The following TARS1 variants were observed in gnomAD, a reference collection of about 807,000 sequenced individuals.
The protein encoded by TARS1 is threonyl-tRNA synthetase 1, also known as threonine--tRNA ligase 1, cytoplasmic.
In TARS1, 57 loss-of-function variants were observed where a neutral mutation model predicts 97.7. That is an observed-to-expected ratio of 0.58 (90% confidence interval 0.47 to 0.73). The LOEUF is 0.73. Ranked by LOEUF, TARS1 falls within the 30% of genes least tolerant of loss-of-function variation. The pLI, the probability that TARS1 is intolerant of heterozygous loss-of-function variation, is 0.00. For synonymous variants in TARS1, 312 were observed against 293.7 expected (o/e 1.06, Z -0.64); for missense variants, 806 against 888.3 (o/e 0.91, Z 1.18).
chr5:33,451,732 TATGGCCC>T (rs201403090), intron 3 of TARS1, among the ~76,000 whole-genome samples: 1,911 of 152,328 alleles, frequency 0.013, 47 homozygotes, highest in African/African-American at 0.044. Flanking sequence ...AATGATCCAG[TATGGCCC>T]ATGTGTAATC....
intron 10 of TARS1, among the ~76,000 whole-genome samples, chr5:33,459,264 T>C (rs558102912): frequency 1.3e-5 from 2 of 152,350 alleles, no homozygotes; most frequent in Non-Finnish European, 2.9e-5. Context: ...TCCATGTTAC[T>C]TATATCTAGC....
intron 14 of TARS1, 31 bp from the exon 15 acceptor site, chr5:33,461,875 A>G (rs1742309215): frequency 6.2e-7 from 1 of 1,602,174 alleles, no homozygotes; most frequent in Non-Finnish European, 8.5e-7. Context: ...TATCACTGGC[A>G]TTTTATAATA....
chr5:33,459,469 G>T (rs1742188815), intron 10 of TARS1, among the ~76,000 whole-genome samples: 1 of 152,134 alleles, frequency 6.6e-6, no homozygotes, highest in South Asian at 2.1e-4. Context: ...ATGTATAATT[G>T]TCCCTTATTA....
chr5:33,451,739 C>G (rs1352095019), intron 3 of TARS1, among the ~76,000 whole-genome samples: 2 of 148,436 alleles, frequency 1.3e-5, no homozygotes, highest in Non-Finnish European at 1.5e-5. Flanking sequence ...CAGTATGGCC[C>G]ATGTGTAATC....
chr5:33,455,496 A>T, intron 5 of TARS1, 91 bp from the exon 6 acceptor site: 1 of 769,080 alleles, frequency 1.3e-6, no homozygotes, highest in Non-Finnish European at 2.1e-6. Flanking sequence ...AAACCCTTGA[A>T]GTATTCCAAA....
In TARS1 at chr5:33,463,410, A is replaced by G. The variant is rs182341440; in HGVS notation, c.1836-343A>G. Among the ~76,000 whole-genome samples the G allele has an allele frequency of 1.7e-3, 255 of 152,332 alleles. 5 individuals carry two copies. The highest frequency in any genetic ancestry group is 0.015 in the Admixed American group (232 of 15,306). Reference sequence around the variant, plus strand: ...GAACAATTAATCACTACATGCAGTTATTAAATCATTTGTTACCTCCTCTCA... The same window carrying G: ...GAACAATTAATCACTACATGCAGTTGTTAAATCATTTGTTACCTCCTCTCA... On this transcript the variant is annotated intron_variant, in intron 16 of 18. Coordinates refer to ENST00000265112, the MANE Select transcript of TARS1 (RefSeq NM_152295.5).
At chr5:33,449,323 A>G (rs1277914962) in intron 3 of TARS1, among the ~76,000 whole-genome samples, 2 of 141,370 alleles carry the variant, frequency 1.4e-5, no homozygotes, top group Non-Finnish European at 3.0e-5. Flanking sequence ...ATGTGTATAT[A>G]TATACGCGTA....
At position 33,461,727 on chromosome 5, in the gene TARS1, G is replaced by A. The variant is rs1742302687; in HGVS notation, c.1612G>A (p.Ala538Thr). 3.1e-6 allele frequency: 5 copies of A among 1,613,844 alleles called. No individual in the cohort carries two copies. Among genetic ancestry groups the A allele is most frequent in the African/African-American group, 1.3e-5 (1 of 74,926 alleles). ...GTGGGAGTTAAACTCTGGAGATGGA[G>A]CTTTCTATGGCCCAAAGGTGAGCAC... ...EKWELNSGDGAFYGPKIDIQI... is the reference protein window; with the variant it reads ...EKWELNSGDGTFYGPKIDIQI... The change falls in exon 14 of 19, where the codon GCT (alanine) becomes ACT (threonine). Residue 538 changes from alanine (A) to threonine (T), a missense_variant. By Grantham distance (58) the Ala-to-Thr change is moderately conservative (BLOSUM62 0). Around this residue, in one of 3 missense-constraint regions of TARS1, gnomAD observed 446 missense variants for 511.0 expected, o/e 0.87. Coordinates refer to ENST00000265112, the MANE Select transcript of TARS1 (RefSeq NM_152295.5).
At chr5:33,455,968 A>G in intron 6 of TARS1, 34 bp from the exon 7 acceptor site, 1 of 1,590,584 alleles carries the variant, frequency 6.3e-7, no homozygotes, top group Non-Finnish European at 8.6e-7. Context: ...ATTAAAGGAC[A>G]GTTTTTTAAA....
chr5:33,454,304 C>A (rs1306666789), intron 4 of TARS1, among the ~76,000 whole-genome samples: 1 of 152,184 alleles, frequency 6.6e-6, no homozygotes, highest in African/African-American at 2.4e-5. Flanking sequence ...TTGGAGCCCT[C>A]AAGTTTCTTA....
At chr5:33,450,441 A>T (rs185686487) in intron 3 of TARS1, among the ~76,000 whole-genome samples, 1 of 152,336 alleles carries the variant, frequency 6.6e-6, no homozygotes, top group East Asian at 1.9e-4. Context: ...TGTACCACAG[A>T]CATTAGTTAG....
chr5:33,445,707 A>G (rs140408012), intron 2 of TARS1, among the ~76,000 whole-genome samples: 1 of 152,346 alleles, frequency 6.6e-6, no homozygotes, highest in African/African-American at 2.4e-5. Context: ...TTCAGTTGCC[A>G]GATGTGATGC....
intron 2 of TARS1, among the ~76,000 whole-genome samples, chr5:33,445,872 A>G (rs1741386868): frequency 6.6e-6 from 1 of 152,154 alleles, no homozygotes; most frequent in Non-Finnish European, 1.5e-5. Flanking sequence ...CTAAGCCAGG[A>G]CAGATCCCCT....
At chr5:33,453,709 C>T (rs1050843531) in intron 4 of TARS1, among the ~76,000 whole-genome samples, 2 of 151,264 alleles carry the variant, frequency 1.3e-5, no homozygotes, top group African/African-American at 2.4e-5. Context: ...ACTGTGAACA[C>T]TATTTTATTT....
intron 2 of TARS1, chr5:33,446,723 C>T: frequency 7.8e-7 from 1 of 1,289,238 alleles, no homozygotes; most frequent in Non-Finnish European, 1.0e-6. Flanking sequence ...TTGCAAGTGG[C>T]TATGATGATA....
At chr5:33,457,112 G>A (rs1742054731) in intron 8 of TARS1, 145 bp from the exon 9 acceptor site, 1 of 854,206 alleles carries the variant, frequency 1.2e-6, no homozygotes, top group East Asian at 2.7e-5. Flanking sequence ...GATTGAGGGA[G>A]GGGCATTTTT....
chr5:33,443,156 G>T (rs538466469), intron 1 of TARS1, among the ~76,000 whole-genome samples: 5 of 152,150 alleles, frequency 3.3e-5, no homozygotes, highest in African/African-American at 1.2e-4. Context: ...GTAGAAAAGG[G>T]GTCATAGGCC....
At chr5:33,442,905 T>C (rs907197025) in intron 1 of TARS1, among the ~76,000 whole-genome samples, 1 of 152,160 alleles carries the variant, frequency 6.6e-6, no homozygotes, top group African/African-American at 2.4e-5. Context: ...TCAAACCCAG[T>C]ATCCCCGTTT....
chr5:33,452,864 AGTTGTCCCAGCTACT>A (rs924900512), intron 3 of TARS1, among the ~76,000 whole-genome samples: 3 of 152,006 alleles, frequency 2.0e-5, no homozygotes, highest in South Asian at 2.1e-4. Context: ...GACTTGTGCC[AGTTGTCCCAGCTACT>A]CTAGAGGCTG....
Sources: gnomAD v4.1 joint callset for allele counts (sites outside exome capture counted in the v4.1 genomes callset) on GRCh38, gnomAD v4.1.1 for gene constraint, gnomAD v4.1.1 regional missense constraint, MANE v1.5 for transcripts, NCBI Gene and HGNC (gene_info 2026-07-23, HGNC 2026-07-21) for gene names.